Variants in TBC1D2B observed in about 807,000 individuals in gnomAD.
TBC1D2B encodes TBC1 domain family member 2B.
In TBC1D2B, 64 loss-of-function variants were observed where a neutral mutation model predicts 100.8. The ratio of observed to expected loss-of-function variants is 0.64; its 90% CI spans 0.52 to 0.78. The LOEUF is 0.78. Among genes scored for constraint, TBC1D2B ranks in the 30% least tolerant of loss-of-function variants. TBC1D2B has a pLI of 0.00. For synonymous variants in TBC1D2B, 480 were observed against 479.7 expected (o/e 1.00, Z -0.01); for missense variants, 1,052 against 1,218.4 (o/e 0.86, Z 2.03).
intron 2 of TBC1D2B, among the ~76,000 whole-genome samples, chr15:78,053,058 G>A (rs1444685006): frequency 6.6e-6 from 1 of 152,250 alleles, no homozygotes; most frequent in South Asian, 2.1e-4. Flanking sequence ...AAAATACTGG[G>A]ACAAGTAAAA....
At chr15:78,034,052 C>T (rs1260771389) in intron 3 of TBC1D2B, among the ~76,000 whole-genome samples, 2 of 152,188 alleles carry the variant, frequency 1.3e-5, no homozygotes, top group Middle Eastern at 3.2e-3. Flanking sequence ...AGGACCAACA[C>T]GGAGCTGGTA....
chr15:78,055,272 C>CA (rs1337043536), intron 1 of TBC1D2B, among the ~76,000 whole-genome samples: 1 of 151,360 alleles, frequency 6.6e-6, no homozygotes, highest in East Asian at 1.9e-4. Context: ...CACATTTGTC[C>CA]AAAATCACAG....
rs551681874 is a variant in TBC1D2B, at chr15:78,027,289, C to T, written c.848-1792G>A. Among the ~76,000 whole-genome samples, 221 of 152,150 alleles carry T rather than the reference C, an allele frequency of 1.5e-3. 1 individual carries two copies. Among genetic ancestry groups the T allele is most frequent in the Non-Finnish European group, 2.4e-3 (164 of 68,014 alleles). ...CAGCTGGTTCCTAGGGTGCTGGCAT[C>T]GTCCTCCTTCTTGAAGTGAGTGCTG... On this transcript the variant is annotated intron_variant, in intron 4 of 12. Transcript: ENST00000300584.
rs1420944248 is a variant in TBC1D2B, at chr15:78,037,676, G to A, written c.683+7224C>T. ...AGCTGCCCAGCCAGGCAGTCCTGCAGAACGGGCTTCTCAAATGCAGGTGAT... is the reference window on the plus strand; with the variant it reads ...AGCTGCCCAGCCAGGCAGTCCTGCAAAACGGGCTTCTCAAATGCAGGTGAT... On this transcript the variant is annotated intron_variant, in intron 3 of 12. Transcript: ENST00000300584. Among the ~76,000 whole-genome samples, 5 of 152,158 alleles carry A rather than the reference G, an allele frequency of 3.3e-5. No homozygotes were observed. In the East Asian group the frequency reaches 7.7e-4, roughly 23 times the overall value.
rs2073363492 is a variant in TBC1D2B at position 78,053,784 on chromosome 15, T to C, written c.514+250A>G. On this transcript the variant is annotated intron_variant, in intron 2 of 12. Transcript: ENST00000300584. ...GAACTAGACTTACAGCACCACAACT[T>C]ACCACATGCTGACCTTAGTCGTATC... The C allele has an allele frequency of 7.5e-6, 3 of 400,794 alleles. No individual in the cohort carries two copies. In the South Asian group the frequency reaches 1.2e-4, roughly 15 times the overall value. 24.8% of individuals were successfully genotyped at this position (400,794 alleles called of 1,614,324 possible). A position where few individuals can be genotyped will look rare whatever the true frequency, so the allele number is the denominator to read the frequency against.
chr15:78,040,882 G>GAAGGAA (rs1471917186), intron 3 of TBC1D2B, among the ~76,000 whole-genome samples: 1 of 130,070 alleles, frequency 7.7e-6, no homozygotes, highest in Non-Finnish European at 1.6e-5. Context: ...AAGAAAGAAA[G>GAAGGAA]AGAGAGAGAG....
chr15:78,031,949 A>T (rs2072826055), intron 3 of TBC1D2B, among the ~76,000 whole-genome samples: 1 of 152,174 alleles, frequency 6.6e-6, no homozygotes, highest in African/African-American at 2.4e-5. Flanking sequence ...GGCAGGGAAA[A>T]CCCAGGAGGA....
At chr15:78,011,306 T>C (rs542483637) in intron 9 of TBC1D2B, among the ~76,000 whole-genome samples, 17 of 151,976 alleles carry the variant, frequency 1.1e-4, no homozygotes, top group African/African-American at 3.9e-4. Context: ...CAGACACAAA[T>C]AGAAAACCCT....
intron 1 of TBC1D2B, among the ~76,000 whole-genome samples, chr15:78,060,474 CAAA>C (rs33986857): frequency 1.8e-3 from 243 of 134,730 alleles, no homozygotes; most frequent in Admixed American, 2.0e-3. Flanking sequence ...CACATCACTA[CAAA>C]AAAAAAAAAA....
At chr15:78,045,478 A>G (rs1253744003) in intron 2 of TBC1D2B, among the ~76,000 whole-genome samples, 1 of 152,222 alleles carries the variant, frequency 6.6e-6, no homozygotes, top group Non-Finnish European at 1.5e-5. Flanking sequence ...AGATTATACA[A>G]GGGTCCCTTT....
intron 9 of TBC1D2B, 42 bp from the exon 10 acceptor site, chr15:78,009,156 C>T (rs947304929): frequency 7.2e-7 from 1 of 1,392,934 alleles, no homozygotes; most frequent in African/African-American, 1.4e-5. Flanking sequence ...CAGGCACAGA[C>T]AGCTGCTACT....
chr15:78,011,783 G>C (rs1488009242), intron 9 of TBC1D2B, among the ~76,000 whole-genome samples: 1 of 151,560 alleles, frequency 6.6e-6, no homozygotes, highest in Non-Finnish European at 1.5e-5. Context: ...CGAGTAGCTG[G>C]GATTACAGGC....
At chr15:78,040,899 AAAG>A (rs1347595336) in intron 3 of TBC1D2B, among the ~76,000 whole-genome samples, 7 of 151,714 alleles carry the variant, frequency 4.6e-5, no homozygotes, top group Non-Finnish European at 7.4e-5. Flanking sequence ...AGAGAGAAAG[AAAG>A]AAAGAAAGAA....
Position 78,030,111 on chromosome 15 carries a change from A to C in TBC1D2B, c.743T>G (p.Phe248Cys). ...RGHNDSRRTVFYTNEEWELLD... is the reference protein window; with the variant it reads ...RGHNDSRRTVCYTNEEWELLD... ...AAGTTCCCACTCTTCATTGGTATAA[A>C]ACACAGTCCTCCGACTATCATTATG... The change falls in exon 4 of 13, where the codon TTT (phenylalanine) becomes TGT (cysteine). Residue 248 changes from phenylalanine (F) to cysteine (C), a missense_variant. Around this residue, in one of 4 missense-constraint regions of TBC1D2B, gnomAD observed 627 missense variants for 646.1 expected, o/e 0.97. Transcript: ENST00000300584. 1 of 1,613,924 alleles carries C rather than the reference A, an allele frequency of 6.2e-7. No homozygotes were observed. The highest frequency in any genetic ancestry group is 8.5e-7 in the Non-Finnish European group (1 of 1,179,818).
At chr15:78,027,287 A>T (rs2072695561) in intron 4 of TBC1D2B, among the ~76,000 whole-genome samples, 1 of 152,192 alleles carries the variant, frequency 6.6e-6, no homozygotes, top group African/African-American at 2.4e-5. Flanking sequence ...GGGTGCTGGC[A>T]TCGTCCTCCT....
At chr15:78,026,721 G>A (rs2141703191) in intron 4 of TBC1D2B, among the ~76,000 whole-genome samples, 1 of 152,170 alleles carries the variant, frequency 6.6e-6, no homozygotes, top group East Asian at 1.9e-4. Flanking sequence ...TTCGAGACCA[G>A]CCTGACCAAC....
intron 11 of TBC1D2B, 37 bp from the exon 12 acceptor site, chr15:78,001,777 C>T (rs2071920859): frequency 6.4e-7 from 1 of 1,573,698 alleles, no homozygotes; most frequent in Non-Finnish European, 8.6e-7. Flanking sequence ...AGTGGAAAAA[C>T]CCTGTGGGTC....
At position 78,077,354 on chromosome 15, in the gene TBC1D2B, G is replaced by C. The variant is rs767455235; in HGVS notation, c.299C>G (p.Pro100Arg). Residue 100 changes from proline (P) to arginine (R), a missense_variant, in exon 1 of 13, where the codon CCG becomes CGG. Around this residue, in one of 4 missense-constraint regions of TBC1D2B, gnomAD observed 627 missense variants for 646.1 expected, o/e 0.97. Coordinates refer to ENST00000300584, the MANE Select transcript of TBC1D2B (RefSeq NM_144572.2). ...GAAGTGCGCGGGCGGCTCCGTGCCC[G>C]GCTCCGCCGCCTCGTCGGGGCCCTG... is the stretch of plus-strand genomic sequence containing the variant. ...SYQGPDEAAE[P>R]GTEPPAHFQV... 2 of 1,538,700 alleles carry C rather than the reference G, an allele frequency of 1.3e-6. No homozygotes were observed. Among genetic ancestry groups the C allele is most frequent in the Admixed American group, 2.0e-5 (1 of 50,318 alleles).
In TBC1D2B at chr15:78,077,589, C is replaced by T. The variant is rs1360946944; in HGVS notation, c.64G>A (p.Ala22Thr). Residue 22 changes from alanine to threonine, a missense_variant, in exon 1 of 13, where the codon GCG becomes ACG. This residue lies in a region of TBC1D2B where 627 missense variants were observed against 646.1 expected (regional missense o/e 0.97). Transcript: ENST00000300584. ...GGGGEGAAQG[A>T]AAEPGAGPAR... ...GGACCCGCCCCGGGCTCCGCGGCCG[C>T]CCCCTGCGCCGCGCCCTCGCCGCCG... 8.4e-7 allele frequency: 1 copy of T among 1,195,680 alleles called. No individual in the cohort carries two copies. Among genetic ancestry groups the T allele is most frequent in the Non-Finnish European group, 1.0e-6 (1 of 963,214 alleles). The allele number at this position is 1,195,680 out of a possible 1,614,324, so 74.1% of individuals were successfully genotyped here.
Sources: gnomAD v4.1 joint callset for allele counts (sites outside exome capture counted in the v4.1 genomes callset) on GRCh38, gnomAD v4.1.1 for gene constraint, gnomAD v4.1.1 regional missense constraint, MANE v1.5 for transcripts, NCBI Gene and HGNC (gene_info 2026-07-23, HGNC 2026-07-21) for gene names.